MBNL1: variants seen among roughly 807,000 people sequenced by gnomAD.
MBNL1 encodes muscleblind like splicing regulator 1, also known as muscleblind-like protein 1.
A neutral mutation model predicts 42.2 loss-of-function variants in MBNL1; 8 were observed. That is an observed-to-expected ratio of 0.19 (90% confidence interval 0.11 to 0.34). The LOEUF (loss-of-function observed/expected upper bound fraction) is 0.34, where lower values mean the gene tolerates loss of function less well. MBNL1 is among the 10% of genes least tolerant of loss of function. MBNL1 has a pLI of 1.00. For synonymous variants in MBNL1, 169 were observed against 173.9 expected (o/e 0.97, Z 0.22); for missense variants, 309 against 495.3 (o/e 0.62, Z 3.57).
chr3:152,455,995 G>A (rs1323563534), intron 7 of MBNL1, among the ~76,000 whole-genome samples: 6 of 152,056 alleles, frequency 3.9e-5, no homozygotes, highest in Admixed American at 2.0e-4. Flanking sequence ...TTTTGACTTA[G>A]CATATTAAGC....
At chr3:152,324,579 A>T (rs2078365290) in intron 2 of MBNL1, among the ~76,000 whole-genome samples, 1 of 152,326 alleles carries the variant, frequency 6.6e-6, no homozygotes, top group Non-Finnish European at 1.5e-5. Flanking sequence ...TCTCTCCTAG[A>T]CAACCACTTA....
chr3:152,286,513 TTTTA>T (rs1044749756), intron 1 of MBNL1, among the ~76,000 whole-genome samples: 5 of 143,548 alleles, frequency 3.5e-5, no homozygotes, highest in African/African-American at 1.3e-4. Context: ...AATATTTATA[TTTTA>T]TTTATAATAT....
intron 2 of MBNL1, among the ~76,000 whole-genome samples, chr3:152,312,237 T>G (rs1577620678): frequency 6.6e-6 from 1 of 151,850 alleles, no homozygotes; most frequent in African/African-American, 2.4e-5. Context: ...ATATTAGAAT[T>G]GATCATGTTA....
At chr3:152,414,093 G>A (rs1171624476) in intron 2 of MBNL1, among the ~76,000 whole-genome samples, 1 of 152,114 alleles carries the variant, frequency 6.6e-6, no homozygotes, top group East Asian at 1.9e-4. Context: ...TTTCAGTCCA[G>A]GCTATGTTCG....
intron 2 of MBNL1, among the ~76,000 whole-genome samples, chr3:152,316,290 GAA>G (rs1482834301): frequency 1.3e-5 from 2 of 152,212 alleles, no homozygotes; most frequent in Non-Finnish European, 2.9e-5. Context: ...GTAGAAAAGT[GAA>G]AACTCAGCGT....
chr3:152,395,878 T>C lies in MBNL1; in HGVS notation c.175-19063T>C, dbSNP rs528132912. On this transcript the variant is annotated intron_variant, in intron 2 of 9. Coordinates refer to ENST00000324210, the MANE Select transcript of MBNL1 (RefSeq NM_021038.5). The stretch of plus-strand genomic sequence containing the variant: ...ACCTATCAGGCCCTCCTGGCTTTTT[T>C]AATTCCTGGGAAGTCAGCTGTGTTA... Among the ~76,000 whole-genome samples, 40 of 152,320 alleles carry C rather than the reference T, an allele frequency of 2.6e-4. 2 individuals carry two copies. Among genetic ancestry groups the C allele is most frequent in the African/African-American group, 9.6e-4 (40 of 41,562 alleles).
At chr3:152,257,274 G>C (rs776483356) in intron 2 of MBNL1, among the ~76,000 whole-genome samples, 1 of 152,132 alleles carries the variant, frequency 6.6e-6, no homozygotes, top group Non-Finnish European at 1.5e-5. Flanking sequence ...AAAAGTATGA[G>C]AGCATTCGAT....
chr3:152,362,491 A>T (rs1309983496), intron 2 of MBNL1, among the ~76,000 whole-genome samples: 1 of 152,204 alleles, frequency 6.6e-6, no homozygotes, highest in African/African-American at 2.4e-5. Context: ...AAAAGAGCTT[A>T]TTAGTTTGAT....
At chr3:152,415,190 C>G in intron 3 of MBNL1, 79 bp downstream of exon 3, 2 of 1,308,376 alleles carry the variant, frequency 1.5e-6, no homozygotes, top group Non-Finnish European at 1.0e-6. Flanking sequence ...ATTATTGCAC[C>G]GGATCAAATG....
chr3:152,441,855 C>T (rs368344204), intron 4 of MBNL1, among the ~76,000 whole-genome samples: 4 of 152,120 alleles, frequency 2.6e-5, no homozygotes, highest in Non-Finnish European at 4.4e-5. Context: ...TGCAGTGGCA[C>T]GATCTTGGCT....
chr3:152,398,828 T>G (rs1041688520), intron 2 of MBNL1, among the ~76,000 whole-genome samples: 5 of 152,218 alleles, frequency 3.3e-5, no homozygotes, highest in African/African-American at 7.2e-5. Context: ...CTAGGTGCTC[T>G]TTCAAACTTG....
intron 3 of MBNL1, among the ~76,000 whole-genome samples, chr3:152,422,621 C>T (rs975638623): frequency 6.6e-6 from 1 of 152,232 alleles, no homozygotes; most frequent in African/African-American, 2.4e-5. Flanking sequence ...CTACAGGACT[C>T]TCCACCCCAA....
chr3:152,275,076 T>C (rs1166346589), intron 1 of MBNL1, among the ~76,000 whole-genome samples: 1 of 152,194 alleles, frequency 6.6e-6, no homozygotes. Context: ...TTGATGACAG[T>C]AAAAGTGACA....
intron 9 of MBNL1, among the ~76,000 whole-genome samples, chr3:152,460,207 T>C (rs1363076585): frequency 2.0e-5 from 3 of 151,790 alleles, no homozygotes; most frequent in Non-Finnish European, 4.4e-5. Context: ...TGAGCTGTGA[T>C]TGCGCCACTG....
intron 2 of MBNL1, among the ~76,000 whole-genome samples, chr3:152,303,140 C>T (rs2061428967): frequency 6.6e-6 from 1 of 151,730 alleles, no homozygotes; most frequent in African/African-American, 2.4e-5. Context: ...TAGTTGCATA[C>T]TGATGATTTT....
intron 2 of MBNL1, among the ~76,000 whole-genome samples, chr3:152,325,933 A>G (rs2079714351): frequency 6.6e-6 from 1 of 152,118 alleles, no homozygotes; most frequent in Non-Finnish European, 1.5e-5. Flanking sequence ...TTTTGTATGC[A>G]TGTATCCGTA....
intron 3 of MBNL1, among the ~76,000 whole-genome samples, chr3:152,416,480 A>C (rs1317449154): frequency 6.6e-6 from 1 of 152,244 alleles, no homozygotes; most frequent in South Asian, 2.1e-4. Flanking sequence ...ATGTAGGACA[A>C]AAGTCTCATT....
intron 3 of MBNL1, among the ~76,000 whole-genome samples, chr3:152,417,066 T>C (rs2153659351): frequency 6.6e-6 from 1 of 152,372 alleles, no homozygotes; most frequent in South Asian, 2.1e-4. Flanking sequence ...GTGATGACTT[T>C]GTAATAAGTA....
chr3:152,455,821 TA>T (rs1015194297), intron 7 of MBNL1, among the ~76,000 whole-genome samples: 2 of 152,032 alleles, frequency 1.3e-5, no homozygotes, highest in African/African-American at 4.8e-5. Context: ...TTCTGGTGTG[TA>T]AAAAAAATCT....
Sources: allele counts gnomAD v4.1 joint callset (sites outside exome capture counted in the v4.1 genomes callset), GRCh38; gene constraint gnomAD v4.1.1; transcripts MANE v1.5; gene names NCBI Gene and HGNC (gene_info 2026-07-23, HGNC 2026-07-21).